SLC35F3: variants seen among roughly 807,000 people sequenced by gnomAD.
SLC35F3 encodes the protein solute carrier family 35 member F3, also known as putative thiamine transporter SLC35F3.
Under a neutral mutation model 49.9 loss-of-function variants are expected in SLC35F3, and 25 were observed. The observed-to-expected ratio is 0.50, with a 90% CI of 0.37 to 0.70. SLC35F3 has a LOEUF of 0.70. Among genes scored for constraint, SLC35F3 ranks in the 30% least tolerant of loss-of-function variants. SLC35F3 has a pLI of 0.00. For synonymous variants in SLC35F3, 275 were observed against 265.4 expected (o/e 1.04, Z -0.35); for missense variants, 525 against 639.8 (o/e 0.82, Z 1.94).
At chr1:234,227,680 G>A (rs1219658583) in intron 2 of SLC35F3, among the ~76,000 whole-genome samples, 1 of 152,012 alleles carries the variant, frequency 6.6e-6, no homozygotes, top group Admixed American at 6.5e-5. Flanking sequence ...TTACAGGCGT[G>A]AGCCACCGTG....
chr1:234,188,693 C>CA (rs1333439026), intron 2 of SLC35F3, among the ~76,000 whole-genome samples: 2 of 152,098 alleles, frequency 1.3e-5, no homozygotes, highest in Non-Finnish European at 2.9e-5. Flanking sequence ...CCTTTACTAC[C>CA]ACAGCTGATG....
At chr1:234,266,875 T>G (rs577784332) in intron 3 of SLC35F3, among the ~76,000 whole-genome samples, 7 of 139,250 alleles carry the variant, frequency 5.0e-5, no homozygotes, top group African/African-American at 2.1e-4. Flanking sequence ...AGCACATGGT[T>G]TTTTTTTTTT....
At chr1:234,076,885 C>T (rs1664799403) in intron 2 of SLC35F3, among the ~76,000 whole-genome samples, 1 of 152,146 alleles carries the variant, frequency 6.6e-6, no homozygotes, top group African/African-American at 2.4e-5. Context: ...TGCAGAGTTG[C>T]CAGTGAGTTA....
chr1:233,966,740 T>G (rs1437850071), intron 2 of SLC35F3, among the ~76,000 whole-genome samples: 1 of 152,242 alleles, frequency 6.6e-6, no homozygotes, highest in Non-Finnish European at 1.5e-5. Flanking sequence ...TAGAAAGCCT[T>G]CCTTCTCTCA....
At chr1:234,011,058 C>G (rs1663709967) in intron 2 of SLC35F3, among the ~76,000 whole-genome samples, 1 of 152,122 alleles carries the variant, frequency 6.6e-6, no homozygotes, top group South Asian at 2.1e-4. Context: ...TGGCATATTT[C>G]TGGTCACAAA....
chr1:234,037,650 C>T (rs566737259), intron 2 of SLC35F3, among the ~76,000 whole-genome samples: 83 of 152,314 alleles, frequency 5.4e-4, no homozygotes, highest in African/African-American at 1.9e-3. Context: ...GCTAGGTAGC[C>T]ATGCGAGAGC....
intron 2 of SLC35F3, among the ~76,000 whole-genome samples, chr1:233,947,616 A>G (rs1387697786): frequency 6.6e-6 from 1 of 150,788 alleles, no homozygotes; most frequent in African/African-American, 2.4e-5. Flanking sequence ...AGGAAAAATT[A>G]TCTAAAAAAC....
At chr1:234,089,616 G>A (rs1665010974) in intron 2 of SLC35F3, among the ~76,000 whole-genome samples, 1 of 152,160 alleles carries the variant, frequency 6.6e-6, no homozygotes, top group Admixed American at 6.5e-5. Flanking sequence ...CAGGGAGGGA[G>A]GTCAGGTGTA....
chr1:234,163,285 C>T (rs1473093571), intron 2 of SLC35F3, among the ~76,000 whole-genome samples: 1 of 152,228 alleles, frequency 6.6e-6, no homozygotes, highest in African/African-American at 2.4e-5. Flanking sequence ...TAAGTACCCA[C>T]ATGCCTCGGT....
chr1:234,238,290 C>T (rs1245456573), intron 3 of SLC35F3, among the ~76,000 whole-genome samples: 1 of 152,124 alleles, frequency 6.6e-6, no homozygotes, highest in Admixed American at 6.5e-5. Flanking sequence ...AGCTGAATAG[C>T]AGATGTCTGG....
intron 2 of SLC35F3, among the ~76,000 whole-genome samples, chr1:233,956,924 A>G (rs1404189592): frequency 1.3e-5 from 2 of 152,210 alleles, no homozygotes; most frequent in Non-Finnish European, 2.9e-5. Context: ...TGCCAGAAAA[A>G]GGATAGGGGT....
Position 234,134,211 on chromosome 1 carries a change from C to CT in SLC35F3, c.284-97205dup, listed in dbSNP as rs539535273. Among the ~76,000 whole-genome samples, 203 of 151,256 alleles carry CT rather than the reference C, an allele frequency of 1.3e-3. 1 individual carries two copies. The highest frequency in any genetic ancestry group is 4.6e-3 in the African/African-American group (191 of 41,306). On this transcript the variant is annotated intron_variant, in intron 2 of 7. Coordinates refer to ENST00000366618, the MANE Select transcript of SLC35F3 (RefSeq NM_173508.4). ...AAGATGTAGCAGTGAACAAAACTGA[C>CT]TAAGTTTCTGCTCTTGTAAAGTGTA...
intron 2 of SLC35F3, among the ~76,000 whole-genome samples, chr1:234,037,031 T>C (rs143743619): frequency 1.1e-3 from 166 of 152,338 alleles, no homozygotes; most frequent in African/African-American, 3.8e-3. Context: ...ATAGTAAGCC[T>C]ACTCGATGTT....
At chr1:233,944,707 G>C (rs140097629) in intron 2 of SLC35F3, among the ~76,000 whole-genome samples, 3 of 152,132 alleles carry the variant, frequency 2.0e-5, no homozygotes, top group Non-Finnish European at 4.4e-5. Context: ...GGTATGAAAG[G>C]GTTGGATTTT....
chr1:233,961,391 C>A (rs1179570074), intron 2 of SLC35F3, among the ~76,000 whole-genome samples: 1 of 151,074 alleles, frequency 6.6e-6, no homozygotes, highest in Non-Finnish European at 1.5e-5. Context: ...AGAACACTTG[C>A]GTTTCCACCT....
intron 2 of SLC35F3, among the ~76,000 whole-genome samples, chr1:234,190,957 G>T (rs1331417821): frequency 6.6e-6 from 1 of 152,172 alleles, no homozygotes; most frequent in East Asian, 1.9e-4. Context: ...AAGAGAAAAA[G>T]AAAAGAAAAG....
chr1:234,139,158 A>AT (rs1425466074), intron 2 of SLC35F3, among the ~76,000 whole-genome samples: 1 of 152,194 alleles, frequency 6.6e-6, no homozygotes, highest in Non-Finnish European at 1.5e-5. Flanking sequence ...TAACAACCCT[A>AT]TATGATTCCC....
chr1:234,294,327 G>T (rs1445424905), intron 3 of SLC35F3, among the ~76,000 whole-genome samples: 1 of 152,168 alleles, frequency 6.6e-6, no homozygotes, highest in African/African-American at 2.4e-5. Flanking sequence ...TCCTGGCTCT[G>T]TCTCGGCCAG....
intron 2 of SLC35F3, among the ~76,000 whole-genome samples, chr1:234,120,788 G>A (rs549660568): frequency 3.9e-4 from 59 of 152,306 alleles, no homozygotes; most frequent in Middle Eastern, 3.4e-3. Context: ...ACTCCAATCT[G>A]TTTGCAGTTC....
Sources: allele counts gnomAD v4.1 joint callset (sites outside exome capture counted in the v4.1 genomes callset), GRCh38; gene constraint gnomAD v4.1.1; transcripts MANE v1.5; gene names NCBI Gene and HGNC (gene_info 2026-07-23, HGNC 2026-07-21).